The following WWC1 variants were observed in gnomAD, a reference collection of about 807,000 sequenced individuals.
WWC1 encodes WW and C2 domain containing 1, also known as protein KIBRA.
A neutral mutation model predicts 138.4 loss-of-function variants in WWC1; 55 were observed. The observed-to-expected ratio is 0.40, with a 90% CI of 0.32 to 0.50. The LOEUF is 0.50. Among genes scored for constraint, WWC1 ranks in the 20% least tolerant of loss-of-function variants. The probability of loss-of-function intolerance (pLI) is 0.72; values close to 1 mark genes in which losing one functional copy is unlikely to be tolerated. For missense variants in WWC1, 1,226 were observed against 1,420.4 expected (o/e 0.86, Z 2.20); for synonymous variants, 524 against 564.9 (o/e 0.93, Z 1.03).
intron 1 of WWC1, among the ~76,000 whole-genome samples, chr5:168,303,190 C>T (rs1770250805): frequency 6.6e-6 from 1 of 152,220 alleles, no homozygotes; most frequent in African/African-American, 2.4e-5. Flanking sequence ...TGAGCCAACA[C>T]TGTCTACCTG....
chr5:168,446,422 A>G (rs1259624657), intron 17 of WWC1, among the ~76,000 whole-genome samples: 1 of 152,170 alleles, frequency 6.6e-6, no homozygotes, highest in Admixed American at 6.5e-5. Flanking sequence ...GTCTCATCAT[A>G]CACTTTAAGA....
At chr5:168,324,582 C>A (rs1435788534) in intron 1 of WWC1, among the ~76,000 whole-genome samples, 1 of 151,580 alleles carries the variant, frequency 6.6e-6, no homozygotes, top group African/African-American at 2.4e-5. Flanking sequence ...TTAGAGCAAA[C>A]ATAATAATGG....
chr5:168,412,309 G>A (rs548124756), intron 8 of WWC1, among the ~76,000 whole-genome samples: 1 of 152,288 alleles, frequency 6.6e-6, no homozygotes, highest in Admixed American at 6.5e-5. Flanking sequence ...CAAGCTTCAG[G>A]ACTTGAAAGA....
At chr5:168,416,032 A>G (rs6876635) in intron 9 of WWC1, 82,761 of 151,692 alleles carry the variant, frequency 0.55, 24,250 homozygotes, top group East Asian at 0.77. Flanking sequence ...GGGCTTCCAG[A>G]GAGCCTTTGA....
intron 1 of WWC1, among the ~76,000 whole-genome samples, chr5:168,368,554 G>A (rs1198164869): frequency 6.6e-6 from 1 of 152,156 alleles, no homozygotes; most frequent in East Asian, 1.9e-4. Flanking sequence ...AGTGCAGGTG[G>A]AGGAATGAGC....
intron 1 of WWC1, among the ~76,000 whole-genome samples, chr5:168,354,760 C>T (rs1215951563): frequency 6.6e-6 from 1 of 152,120 alleles, no homozygotes; most frequent in Non-Finnish European, 1.5e-5. Context: ...GTTCTTTGGT[C>T]ATTTCCAGTT....
At chr5:168,308,645 G>A (rs544536733) in intron 1 of WWC1, among the ~76,000 whole-genome samples, 27 of 152,264 alleles carry the variant, frequency 1.8e-4, no homozygotes, top group Non-Finnish European at 2.1e-4. Context: ...CCCTACCCCA[G>A]TCAGAATCTC....
chr5:168,467,033 G>A (rs1344460370), intron 21 of WWC1, among the ~76,000 whole-genome samples: 9 of 152,170 alleles, frequency 5.9e-5, no homozygotes, highest in African/African-American at 1.7e-4. Context: ...AGGCCGAGGC[G>A]GGCAGATCAC....
Position 168,291,938 on chromosome 5 carries a change from G to GCGGGAGGAGCGGGCGGCGC in WWC1, c.-210_-192dup, listed in dbSNP as rs1769082246. The GCGGGAGGAGCGGGCGGCGC allele has an allele frequency of 1.6e-5, 5 of 304,696 alleles. No individual in the cohort carries two copies. The Admixed American group carries it at 2.1e-4, about 13-fold the overall frequency. The allele number at this position is 304,696 out of a possible 1,614,324, so 18.9% of individuals were successfully genotyped here. A position where few individuals can be genotyped will look rare whatever the true frequency, so the allele number is the denominator to read the frequency against. ...CACATGGCAGCGTGAGAGGCCGGCG[G>GCGGGAGGAGCGGGCGGCGC]CGGGAGGAGCGGGCGGCGCCGGGTC... On this transcript the variant is annotated 5_prime_UTR_variant, in exon 1 of 23. Coordinates refer to ENST00000265293, the MANE Select transcript of WWC1 (RefSeq NM_015238.3).
chr5:168,468,992 C>T lies in WWC1; in HGVS notation c.3317C>T (p.Pro1106Leu), dbSNP rs751817624. ...AFFTRPRMNI[P>L]ALSADDV ...TTCACCCGGCCTCGGATGAATATCC[C>T]AGCTCTCTCTGCAGATGACGTCTAA... The change falls in exon 23 of 23, where the codon CCA becomes CTA. Residue 1106 changes from proline (P) to leucine (L), a missense_variant. Physicochemically the swap from Pro to Leu is moderately conservative, Grantham distance 98. Coordinates refer to ENST00000265293, the MANE Select transcript of WWC1 (RefSeq NM_015238.3). 6.2e-7 allele frequency: 1 copy of T among 1,614,204 alleles called. No individual in the cohort carries two copies. Among genetic ancestry groups the T allele is most frequent in the Middle Eastern group, 1.6e-4 (1 of 6,062 alleles).
intron 3 of WWC1, among the ~76,000 whole-genome samples, chr5:168,395,056 TC>T (rs1778788410): frequency 6.6e-6 from 1 of 152,242 alleles, no homozygotes; most frequent in South Asian, 2.1e-4. Context: ...CTTTTTGGCA[TC>T]TTTTTGTCTC....
At chr5:168,406,897 G>A (rs906575636) in intron 6 of WWC1, among the ~76,000 whole-genome samples, 7 of 152,108 alleles carry the variant, frequency 4.6e-5, no homozygotes, top group Non-Finnish European at 7.3e-5. Context: ...AGCCGAGATA[G>A]CACCACTGCA....
chr5:168,380,784 G>A (rs1333420834), intron 2 of WWC1, among the ~76,000 whole-genome samples: 1 of 152,144 alleles, frequency 6.6e-6, no homozygotes, highest in Non-Finnish European at 1.5e-5. Context: ...ACAATGTGAT[G>A]TATTCATACA....
At chr5:168,390,241 C>T (rs1351337370) in intron 3 of WWC1, among the ~76,000 whole-genome samples, 1 of 152,108 alleles carries the variant, frequency 6.6e-6, no homozygotes, top group African/African-American at 2.4e-5. Flanking sequence ...TGGAATTGTA[C>T]TTTTCATATT....
chr5:168,403,074 CTTTCT>C lies in WWC1; in HGVS notation c.591-3116_591-3112del, dbSNP rs1554104772. Among the ~76,000 whole-genome samples the C allele has an allele frequency of 8.3e-3, 933 of 112,810 alleles. 3 individuals carry two copies. Among genetic ancestry groups the C allele is most frequent in the Non-Finnish European group, 0.011 (595 of 53,106 alleles). 74.0% of individuals were successfully genotyped at this position (112,810 alleles called of 152,430 possible). On this transcript the variant is annotated intron_variant, in intron 5 of 22. Transcript: ENST00000265293. ...TCTTTCTTTCTTTCTTTCTTTCTTT[CTTTCT>C]TTTCTTTCTTTTCTTTCTTTCTTTC...
chr5:168,358,608 GC>G (rs1775635086), intron 1 of WWC1, among the ~76,000 whole-genome samples: 1 of 152,178 alleles, frequency 6.6e-6, no homozygotes, highest in African/African-American at 2.4e-5. Context: ...ACCTCTCTGT[GC>G]CTCAGTTTCT....
intron 1 of WWC1, among the ~76,000 whole-genome samples, chr5:168,300,539 GAA>G (rs1769967325): frequency 7.2e-6 from 1 of 139,000 alleles, no homozygotes; most frequent in Non-Finnish European, 1.5e-5. Flanking sequence ...GTCTGCCAAA[GAA>G]AAGGGACGGA....
At chr5:168,293,193 A>C (rs962736637) in intron 1 of WWC1, among the ~76,000 whole-genome samples, 1 of 152,134 alleles carries the variant, frequency 6.6e-6, no homozygotes, top group Non-Finnish European at 1.5e-5. Context: ...TTCTTTGCTC[A>C]CATGCTGCAC....
chr5:168,332,003 G>A (rs527882049), intron 1 of WWC1, among the ~76,000 whole-genome samples: 40 of 152,098 alleles, frequency 2.6e-4, no homozygotes, highest in African/African-American at 8.9e-4. Context: ...AAAATTAGCC[G>A]GGCGTGGTGG....
Sources: allele counts gnomAD v4.1 joint callset (sites outside exome capture counted in the v4.1 genomes callset), GRCh38; gene constraint gnomAD v4.1.1; transcripts MANE v1.5; gene names NCBI Gene and HGNC (gene_info 2026-07-23, HGNC 2026-07-21).